The following CHD6 variants were observed in gnomAD, a reference collection of about 807,000 sequenced individuals.
The protein encoded by CHD6 is ATP-dependent chromatin remodeler CHD6.
In CHD6, 50 loss-of-function variants were observed where a neutral mutation model predicts 276.9. The ratio of observed to expected loss-of-function variants is 0.18; its 90% confidence interval spans 0.14 to 0.23. The LOEUF (loss-of-function observed/expected upper bound fraction) is 0.23. Ranked by LOEUF, CHD6 falls within the 10% of genes least tolerant of loss-of-function variation. The pLI is 1.00. For synonymous variants in CHD6, 1,173 were observed against 1,229.3 expected (o/e 0.95, Z 0.96); for missense variants, 2,564 against 3,365.8 (o/e 0.76, Z 5.89).
intron 2 of CHD6, among the ~76,000 whole-genome samples, chr20:41,542,130 C>T (rs1336086009): frequency 6.6e-6 from 1 of 152,170 alleles, no homozygotes; most frequent in African/African-American, 2.4e-5. Context: ...ACTCAATTTC[C>T]TAATCTGCCT....
intron 3 of CHD6, among the ~76,000 whole-genome samples, chr20:41,524,871 C>G (rs146008965): frequency 1.2e-3 from 181 of 152,322 alleles, no homozygotes; most frequent in African/African-American, 3.9e-3. Flanking sequence ...GACAAAATAA[C>G]CTCAATCTGA....
chr20:41,553,573 A>T (rs1370660031), intron 1 of CHD6, among the ~76,000 whole-genome samples: 1 of 152,238 alleles, frequency 6.6e-6, no homozygotes, highest in Non-Finnish European at 1.5e-5. Flanking sequence ...TTAGTTTAAG[A>T]GCGTGAGGTC....
At chr20:41,474,299 A>G (rs2034542538) in intron 16 of CHD6, among the ~76,000 whole-genome samples, 1 of 152,188 alleles carries the variant, frequency 6.6e-6, no homozygotes, top group Admixed American at 6.5e-5. Flanking sequence ...GTAAAAGGAA[A>G]AAGAATAAGA....
At chr20:41,581,441 C>A (rs1348734983) in intron 1 of CHD6, among the ~76,000 whole-genome samples, 1 of 152,116 alleles carries the variant, frequency 6.6e-6, no homozygotes, top group Non-Finnish European at 1.5e-5. Flanking sequence ...CTCTGGGATG[C>A]CGAGGTAGGC....
At chr20:41,412,718 TG>T (rs2046877479) in intron 35 of CHD6, among the ~76,000 whole-genome samples, 1 of 152,046 alleles carries the variant, frequency 6.6e-6, no homozygotes, top group African/African-American at 2.4e-5. Context: ...AAGACAGTGG[TG>T]GGGTAGATGA....
chr20:41,424,943 C>G lies in CHD6; in HGVS notation c.4346+235G>C, dbSNP rs79902779. On this transcript the variant is annotated intron_variant, in intron 29 of 36. Transcript: ENST00000373233. ...CTGGGGTTTAACTTAGGAAGAGTGT[C>G]AAGTTAGAAAATCATAAAAATCTGG... 1.7e-4 allele frequency among the ~76,000 whole-genome samples: 26 copies of G among 152,258 alleles called. 1 individual carries two copies. The East Asian group carries it at 4.4e-3, about 26-fold the overall frequency.
At chr20:41,448,727 G>T (rs2048145845) in intron 23 of CHD6, among the ~76,000 whole-genome samples, 1 of 152,138 alleles carries the variant, frequency 6.6e-6, no homozygotes, top group African/African-American at 2.4e-5. Context: ...AAGGGGTAAG[G>T]CCTCTGAGAA....
intron 33 of CHD6, 96 bp downstream of exon 33, chr20:41,416,492 A>T (rs1600804425): frequency 8.4e-7 from 1 of 1,193,318 alleles, no homozygotes; most frequent in East Asian, 2.4e-5. Flanking sequence ...ACCCCTATCC[A>T]CTCAGTAAAT....
rs1253762856 is a variant in CHD6, at chr20:41,473,116, C to T, written c.2664+206G>A. ...CACTGTGAAACATCATTTGATTTAA[C>T]GGAAAGAACCACACTCTCTAATTAG... On this transcript the variant is annotated intron_variant, in intron 17 of 36. Transcript: ENST00000373233. This position sits in a 1 kb window ranked among gnomAD's most constrained non-coding sequence, Gnocchi z 4.1. 3.5e-5 allele frequency: 17 copies of T among 483,010 alleles called. No homozygotes were observed. The highest frequency in any genetic ancestry group is 5.3e-4 in the Middle Eastern group (1 of 1,886). 29.9% of individuals were successfully genotyped at this position (483,010 alleles called of 1,614,324 possible).
At chr20:41,519,520 T>G (rs1008361717) in intron 3 of CHD6, among the ~76,000 whole-genome samples, 7 of 152,144 alleles carry the variant, frequency 4.6e-5, no homozygotes, top group Non-Finnish European at 8.8e-5. Context: ...ATATATACAA[T>G]GTAATACTAG....
chr20:41,412,170 C>T lies in CHD6; in HGVS notation c.7225G>A (p.Ala2409Thr). Residue 2409 changes from alanine to threonine, a missense_variant, in exon 36 of 37, where the codon GCC becomes ACC. Around this residue, in one of 7 missense-constraint regions of CHD6, gnomAD observed 1,024 missense variants for 1,047.9 expected, o/e 0.98. Coordinates refer to ENST00000373233, the MANE Select transcript of CHD6 (RefSeq NM_032221.5). ...CTCAGTCCTGGCTCCTTGGGGATGG[C>T]AGGAACTCTCTCTTCCCCGCTCAGG... ...SSLSGEERVPAIPKEPGLRGF... is the reference protein window; with the variant it reads ...SSLSGEERVPTIPKEPGLRGF... 6.2e-7 allele frequency: 1 copy of T among 1,614,206 alleles called. No homozygotes were observed. The highest frequency in any genetic ancestry group is 8.5e-7 in the Non-Finnish European group (1 of 1,180,030).
chr20:41,521,664 C>T (rs2044401114), intron 3 of CHD6, among the ~76,000 whole-genome samples: 1 of 152,112 alleles, frequency 6.6e-6, no homozygotes, highest in Admixed American at 6.5e-5. Flanking sequence ...CAAAGATGCC[C>T]TATCAGCAAT....
chr20:41,415,751 T>C (rs1421628663), intron 33 of CHD6, 113 bp from the exon 34 acceptor site: 3 of 799,908 alleles, frequency 3.8e-6, no homozygotes, highest in Admixed American at 5.7e-5. Context: ...ATCATCTTTT[T>C]AGGAGTTCTT....
chr20:41,490,037 A>G lies in CHD6; in HGVS notation c.1437-16T>C. On this transcript the variant is annotated splice_polypyrimidine_tract_variant and intron_variant, in intron 11 of 36. Coordinates refer to ENST00000373233, the MANE Select transcript of CHD6 (RefSeq NM_032221.5). The stretch of plus-strand genomic sequence containing the variant: ...ACAGTTTTTTCTGCAGAGAGTGAGA[A>G]ATATAGGTAATTCATTATCAATATA... The G allele has an allele frequency of 6.2e-7, 1 of 1,609,334 alleles. No individual in the cohort carries two copies. The highest frequency in any genetic ancestry group is 8.5e-7 in the Non-Finnish European group (1 of 1,175,994).
At chr20:41,448,543 T>C (rs879891461) in intron 23 of CHD6, among the ~76,000 whole-genome samples, 4 of 152,224 alleles carry the variant, frequency 2.6e-5, no homozygotes, top group Non-Finnish European at 4.4e-5. Flanking sequence ...AACTACTATA[T>C]GCTCTGCATC....
chr20:41,615,834 C>T (rs1374735345), intron 1 of CHD6, among the ~76,000 whole-genome samples: 1 of 152,212 alleles, frequency 6.6e-6, no homozygotes, highest in Admixed American at 6.5e-5. Context: ...TGGTATAACA[C>T]AGGAAGACAT....
intron 17 of CHD6, among the ~76,000 whole-genome samples, chr20:41,471,981 C>T (rs1389479981): frequency 6.6e-6 from 1 of 152,126 alleles, no homozygotes; most frequent in African/African-American, 2.4e-5. Flanking sequence ...CACCTCTAAT[C>T]CCACCACTTT....
At chr20:41,497,112 C>A (rs1341839012) in intron 8 of CHD6, 6 of 361,186 alleles carry the variant, frequency 1.7e-5, no homozygotes, top group Non-Finnish European at 3.1e-5. Context: ...GAATTGTGTG[C>A]GTATTCCTCT....
intron 3 of CHD6, among the ~76,000 whole-genome samples, chr20:41,531,832 C>T (rs528752860): frequency 3.9e-4 from 59 of 150,346 alleles, no homozygotes; most frequent in African/African-American, 1.4e-3. Flanking sequence ...ACTTAAAATG[C>T]ATTCTTAAAA....
Sources: allele counts gnomAD v4.1 joint callset (sites outside exome capture counted in the v4.1 genomes callset), GRCh38; gene constraint gnomAD v4.1.1; regional missense constraint gnomAD v4.1.1; non-coding constraint Gnocchi (gnomAD v3.1); transcripts MANE v1.5; gene names NCBI Gene and HGNC (gene_info 2026-07-23, HGNC 2026-07-21).